Variants in ACSL4 observed in about 807,000 individuals in gnomAD.
ACSL4 encodes the protein long-chain-fatty-acid--CoA ligase 4.
ACSL4 carries 9 observed loss-of-function variants against 49.1 expected under a neutral mutation model. That is an observed-to-expected ratio of 0.18 (90% CI 0.11 to 0.32). ACSL4 has a LOEUF of 0.32. ACSL4 is among the 10% of genes least tolerant of loss of function. ACSL4 has a pLI of 1.00. For missense variants in ACSL4, 333 were observed against 493.7 expected (o/e 0.67, Z 3.08); for synonymous variants, 191 against 170.3 (o/e 1.12, Z -0.95).
At chrX:109,720,597 C>A (rs934781690) in intron 1 of ACSL4, among the ~76,000 whole-genome samples, 1 of 111,694 alleles carries the variant, frequency 9.0e-6, no homozygotes, top group Admixed American at 9.5e-5. Context: ...TGTGCTAATA[C>A]TCACATTTCT....
chrX:109,719,724 G>A (rs1178378238), intron 1 of ACSL4, among the ~76,000 whole-genome samples: 5 of 112,161 alleles, frequency 4.5e-5, no homozygotes, highest in Admixed American at 9.4e-5. Flanking sequence ...GGTGGCTCAC[G>A]CCTGTAATCC....
intron 14 of ACSL4, among the ~76,000 whole-genome samples, chrX:109,659,834 G>T: frequency 1.8e-5 from 2 of 109,502 alleles, no homozygotes; most frequent in Middle Eastern, 4.7e-3. Flanking sequence ...GAATGAAGGT[G>T]GACCTTCACC....
chrX:109,645,394 A>AC (rs1169451127), intron 15 of ACSL4, among the ~76,000 whole-genome samples: 1 of 111,604 alleles, frequency 9.0e-6, no homozygotes, highest in Non-Finnish European at 1.9e-5. Flanking sequence ...AATGGGAGGC[A>AC]CCCCCCAGCA....
intron 15 of ACSL4, among the ~76,000 whole-genome samples, chrX:109,646,064 T>C (rs1199083740): frequency 1.1e-4 from 12 of 112,053 alleles, no homozygotes; most frequent in African/African-American, 3.2e-5. Flanking sequence ...CTGAAAGTGA[T>C]GGGGAGAATG....
chrX:109,728,903 C>T (rs1173844128), intron 1 of ACSL4, among the ~76,000 whole-genome samples: 2 of 111,464 alleles, frequency 1.8e-5, no homozygotes, highest in Non-Finnish European at 3.8e-5. Context: ...CACTACCTGA[C>T]AAATGATTAG....
chrX:109,718,164 G>A (rs770869139), intron 1 of ACSL4, among the ~76,000 whole-genome samples: 2 of 112,531 alleles, frequency 1.8e-5, no homozygotes, highest in Admixed American at 1.9e-4. Flanking sequence ...AAACGTTACA[G>A]CATTTAGAAA....
intron 6 of ACSL4, among the ~76,000 whole-genome samples, chrX:109,680,139 C>T (rs1281459194): frequency 9.0e-6 from 1 of 111,524 alleles, no homozygotes; most frequent in Non-Finnish European, 1.9e-5. Flanking sequence ...TGATATGATA[C>T]TCTGGCTACT....
At chrX:109,653,704 G>A (rs751654933) in intron 15 of ACSL4, among the ~76,000 whole-genome samples, 2 of 109,024 alleles carry the variant, frequency 1.8e-5, no homozygotes, top group African/African-American at 3.4e-5. Context: ...CTATCGCAAG[G>A]ACAAAAAACC....
At chrX:109,733,001 C>T (rs1285877738) in intron 1 of ACSL4, 138 bp downstream of exon 1, 3 of 327,982 alleles carry the variant, frequency 9.1e-6, no homozygotes, top group African/African-American at 8.0e-5. Flanking sequence ...AAAAGCGAGC[C>T]GACTCCAGGA....
chrX:109,683,638 A>C lies in ACSL4; in HGVS notation c.-12-263T>G. The C allele has an allele frequency of 1.8e-5, 8 of 456,810 alleles. No homozygotes were observed. The South Asian group carries it at 2.5e-4, about 14-fold the overall frequency. 37.6% of individuals were successfully genotyped at this position (456,810 alleles called of 1,213,427 possible). On this transcript the variant is annotated intron_variant, in intron 2 of 15. Coordinates refer to ENST00000672401, the MANE Select transcript of ACSL4 (RefSeq NM_001318510.2). ...CTTAGTGATACAGATAAAAGTTAGT[A>C]ATCTTTGGAAGCCGACAATAAAGTA...
chrX:109,672,368 G>A (rs1923337323), intron 9 of ACSL4, among the ~76,000 whole-genome samples: 1 of 111,022 alleles, frequency 9.0e-6, no homozygotes, highest in African/African-American at 3.3e-5. Context: ...TTCCAGCACT[G>A]GATACTAATC....
chrX:109,700,111 G>C (rs1300105422), intron 1 of ACSL4, among the ~76,000 whole-genome samples: 1 of 106,952 alleles, frequency 9.3e-6, no homozygotes, highest in African/African-American at 3.4e-5. Flanking sequence ...AGGAGGCTGA[G>C]GCAGGAGAAC....
intron 15 of ACSL4, among the ~76,000 whole-genome samples, chrX:109,646,444 T>C (rs1427877221): frequency 9.1e-5 from 10 of 109,630 alleles, no homozygotes; most frequent in African/African-American, 3.3e-4. Context: ...GAAGGAGAAA[T>C]AAAATACTTT....
intron 2 of ACSL4, among the ~76,000 whole-genome samples, chrX:109,685,088 C>CTTTTTTT (rs1203140186): frequency 2.6e-5 from 2 of 77,444 alleles, no homozygotes; most frequent in Non-Finnish European, 2.5e-5. Flanking sequence ...TCTTTTCTTT[C>CTTTTTTT]TTTTTTTTTT....
At chrX:109,680,407 G>A (rs1382038891) in intron 6 of ACSL4, among the ~76,000 whole-genome samples, 1 of 112,178 alleles carries the variant, frequency 8.9e-6, no homozygotes, top group African/African-American at 3.2e-5. Flanking sequence ...TCTCATTATA[G>A]TATGGTATTT....
chrX:109,685,765 C>T (rs1924561778), intron 2 of ACSL4, among the ~76,000 whole-genome samples: 2 of 109,741 alleles, frequency 1.8e-5, no homozygotes, highest in South Asian at 7.9e-4. Context: ...TCTGGGACCA[C>T]ACTAGATCAG....
At chrX:109,670,503 T>C (rs1166531450) in intron 9 of ACSL4, among the ~76,000 whole-genome samples, 1 of 106,699 alleles carries the variant, frequency 9.4e-6, no homozygotes, top group Non-Finnish European at 1.9e-5. Flanking sequence ...GAGAATCGCT[T>C]GAACCCGGGA....
At chrX:109,696,622 G>A (rs757411112) in intron 1 of ACSL4, among the ~76,000 whole-genome samples, 3 of 112,600 alleles carry the variant, frequency 2.7e-5, no homozygotes, top group South Asian at 7.2e-4. Flanking sequence ...AAACGAGTAA[G>A]TTCCTTGAAA....
Position 109,696,206 on chromosome X carries a change from G to A in ACSL4, c.-65-10C>T, listed in dbSNP as rs1488445767. ...CTTCTGTGATTTCAATCTGCAGTAAGAGACAGCATTTATGAGTACAGTGAC... is the reference window on the plus strand; with the variant it reads ...CTTCTGTGATTTCAATCTGCAGTAAAAGACAGCATTTATGAGTACAGTGAC... On this transcript the variant is annotated splice_polypyrimidine_tract_variant and intron_variant, in intron 1 of 15. Coordinates refer to ENST00000672401, the MANE Select transcript of ACSL4 (RefSeq NM_001318510.2). 1.8e-5 allele frequency: 2 copies of A among 112,364 alleles called. No individual in the cohort carries two copies. The highest frequency in any genetic ancestry group is 9.4e-5 in the Admixed American group (1 of 10,630). The allele number at this position is 112,364 out of a possible 1,213,427, so 9.3% of individuals were successfully genotyped here.
Sources: allele counts gnomAD v4.1 joint callset (sites outside exome capture counted in the v4.1 genomes callset), GRCh38; gene constraint gnomAD v4.1.1; transcripts MANE v1.5; gene names NCBI Gene and HGNC (gene_info 2026-07-23, HGNC 2026-07-21).